Variants in JAK1 observed in about 807,000 individuals in gnomAD.
JAK1 encodes the protein Janus kinase 1, also known as tyrosine-protein kinase JAK1.
JAK1 carries 16 observed loss-of-function variants against 136.6 expected under a neutral mutation model. The ratio of observed to expected loss-of-function variants is 0.12; its 90% CI spans 0.08 to 0.18. The LOEUF is 0.18. Among genes scored for constraint, JAK1 ranks in the 10% least tolerant of loss-of-function variants. JAK1 has a pLI of 1.00. For synonymous variants in JAK1, 492 were observed against 519.5 expected, an observed-to-expected ratio of 0.95 and a Z score of 0.72; for missense variants, 859 against 1,450.1, an observed-to-expected ratio of 0.59 and a Z score of 6.62.
chr1:64,943,770 G>C (rs1181870593), intron 1 of JAK1, among the ~76,000 whole-genome samples: 1 of 151,450 alleles, frequency 6.6e-6, no homozygotes, highest in Non-Finnish European at 1.5e-5. Context: ...AAGTAAACTT[G>C]AGGAAAAATA....
chr1:64,853,983 T>C (rs1426155783), intron 11 of JAK1, among the ~76,000 whole-genome samples: 5 of 152,214 alleles, frequency 3.3e-5, no homozygotes, highest in Admixed American at 6.5e-5. Context: ...GCTGTTGGGC[T>C]TTAAGGTTTG....
Position 64,984,993 on chromosome 1 carries a change from C to A in JAK1, c.-78+59487G>T. On this transcript the variant is annotated intron_variant, in intron 2 of 25. Transcript: ENST00000671954. This position sits in a 1 kb window ranked among gnomAD's most constrained non-coding sequence, Gnocchi z 4.1. ...GAAGACCACAAAGACCAAGATAGCCCCAATACAGACAAAGCTTATCCCATT... is the reference window on the plus strand; with the variant it reads ...GAAGACCACAAAGACCAAGATAGCCACAATACAGACAAAGCTTATCCCATT... 1 of 873,968 alleles carries A rather than the reference C, an allele frequency of 1.1e-6. No individual in the cohort carries two copies. The highest frequency in any genetic ancestry group is 2.0e-6 in the Non-Finnish European group (1 of 508,462). 54.1% of individuals were successfully genotyped at this position (873,968 alleles called of 1,614,324 possible). A position where few individuals can be genotyped will look rare whatever the true frequency, so the allele number is the denominator to read the frequency against.
intron 1 of JAK1, among the ~76,000 whole-genome samples, chr1:64,886,950 A>G (rs1050920781): frequency 2.0e-5 from 3 of 152,134 alleles, no homozygotes; most frequent in Non-Finnish European, 2.9e-5. Context: ...CTGTCTGGCC[A>G]CTCAACACAT....
At chr1:65,038,263 A>C (rs1647095756) in intron 2 of JAK1, among the ~76,000 whole-genome samples, 1 of 145,868 alleles carries the variant, frequency 6.9e-6, no homozygotes, top group Non-Finnish European at 1.5e-5. Flanking sequence ...CAATGGCGCG[A>C]TCTCAGCTCA....
At chr1:65,040,160 A>G (rs1189261468) in intron 2 of JAK1, among the ~76,000 whole-genome samples, 1 of 151,800 alleles carries the variant, frequency 6.6e-6, no homozygotes, top group Non-Finnish European at 1.5e-5. Context: ...GGTTGTAGTG[A>G]GCCAAGATTG....
At chr1:64,905,645 A>G (rs927519588) in intron 1 of JAK1, among the ~76,000 whole-genome samples, 1 of 152,168 alleles carries the variant, frequency 6.6e-6, no homozygotes, top group African/African-American at 2.4e-5. Flanking sequence ...CATATAACAA[A>G]TTTGCACGCA....
intron 1 of JAK1, among the ~76,000 whole-genome samples, chr1:64,955,498 A>C (rs1429992119): frequency 6.6e-6 from 1 of 152,230 alleles, no homozygotes; most frequent in Non-Finnish European, 1.5e-5. Context: ...CAAAATAATG[A>C]ATAATCTATT....
chr1:65,010,324 T>C (rs1390125970), intron 2 of JAK1, among the ~76,000 whole-genome samples: 1 of 151,904 alleles, frequency 6.6e-6, no homozygotes, highest in African/African-American at 2.4e-5. Flanking sequence ...TCTCTCTCTC[T>C]CCCCCTTCCT....
chr1:64,882,820 C>T (rs557955267), intron 3 of JAK1, among the ~76,000 whole-genome samples: 3 of 152,234 alleles, frequency 2.0e-5, no homozygotes, highest in Non-Finnish European at 4.4e-5. Context: ...AGGGCAGTCA[C>T]GGCAGCAGAA....
chr1:64,843,173 C>A (rs1358199150), intron 17 of JAK1, among the ~76,000 whole-genome samples: 2 of 152,116 alleles, frequency 1.3e-5, no homozygotes, highest in African/African-American at 4.8e-5. Context: ...CCTTTCCCAC[C>A]TGATCACTGT....
At chr1:64,980,476 C>CA (rs200452869) in intron 2 of JAK1, among the ~76,000 whole-genome samples, 6,755 of 152,108 alleles carry the variant, frequency 0.044, 250 homozygotes, top group South Asian at 0.1. Context: ...GATTGCCCCC[C>CA]AAAATTTCCA....
chr1:64,922,724 TG>T lies in JAK1; in HGVS notation c.-77-36384del, dbSNP rs200175839. ...GCCAAATGAGATCTGCTTTATAATC[TG>T]AATAGAAAATGGTTGGTAAGTAAAC... On this transcript the variant is annotated intron_variant, in intron 1 of 24. Coordinates refer to ENST00000342505, the MANE Select transcript of JAK1 (RefSeq NM_002227.4). 8.3e-4 allele frequency among the ~76,000 whole-genome samples: 126 copies of T among 152,284 alleles called. 1 individual carries two copies. In the East Asian group the frequency reaches 0.021, roughly 25 times the overall value.
At chr1:64,875,795 G>A (rs367709594) in intron 4 of JAK1, among the ~76,000 whole-genome samples, 46 of 152,288 alleles carry the variant, frequency 3.0e-4, no homozygotes, top group African/African-American at 1.0e-3. Context: ...GCTGGTGACA[G>A]TGGAAAGCTA....
chr1:65,004,890 T>A (rs541615515), intron 2 of JAK1, among the ~76,000 whole-genome samples: 1 of 152,340 alleles, frequency 6.6e-6, no homozygotes, highest in African/African-American at 2.4e-5. Flanking sequence ...CTCTGCTATC[T>A]TCACTACCCT....
At chr1:64,843,986 G>A in intron 17 of JAK1, 78 bp downstream of exon 17, 3 of 1,543,118 alleles carry the variant, frequency 1.9e-6, no homozygotes, top group South Asian at 1.2e-5. Flanking sequence ...ACAGTGCCAG[G>A]CTTCCGACAA....
chr1:64,947,149 G>A (rs1646002671), intron 1 of JAK1, among the ~76,000 whole-genome samples: 1 of 152,180 alleles, frequency 6.6e-6, no homozygotes, highest in Admixed American at 6.5e-5. Flanking sequence ...AAAACAACGT[G>A]AATGTACTTA....
chr1:64,850,228 G>C (rs1364365577), intron 12 of JAK1, among the ~76,000 whole-genome samples: 5 of 152,224 alleles, frequency 3.3e-5, no homozygotes, highest in African/African-American at 1.2e-4. Flanking sequence ...CACACCACCA[G>C]CAACAGCTCC....
chr1:64,938,169 A>C (rs929578302), intron 1 of JAK1, among the ~76,000 whole-genome samples: 3 of 152,144 alleles, frequency 2.0e-5, no homozygotes, highest in Non-Finnish European at 4.4e-5. Flanking sequence ...TTTAAGGCTA[A>C]GAAAGAATGT....
intron 13 of JAK1, 39 bp downstream of exon 13, chr1:64,847,493 G>A (rs377032253): frequency 1.6e-5 from 25 of 1,611,106 alleles, no homozygotes; most frequent in Middle Eastern, 3.5e-4. Flanking sequence ...CTCCAGAAAC[G>A]GGAGAGGGGA....
Sources: allele counts gnomAD v4.1 joint callset (sites outside exome capture counted in the v4.1 genomes callset), GRCh38; gene constraint gnomAD v4.1.1; non-coding constraint Gnocchi (gnomAD v3.1); transcripts MANE v1.5; gene names NCBI Gene and HGNC (gene_info 2026-07-23, HGNC 2026-07-21).